Variants in LMO7 observed in about 807,000 individuals in gnomAD.
LMO7 encodes LIM domain 7.
Under a neutral mutation model 206.5 loss-of-function variants are expected in LMO7, and 120 were observed. The observed-to-expected ratio is 0.58, with a 90% CI of 0.50 to 0.68. LMO7 has a LOEUF of 0.68. Ranked by LOEUF, LMO7 falls within the 30% of genes least tolerant of loss-of-function variation. The probability of loss-of-function intolerance (pLI) is 0.00; values close to 1 mark genes in which losing one functional copy is unlikely to be tolerated. For missense variants in LMO7, 1,959 were observed against 1,957.9 expected (o/e 1.00, Z -0.01); for synonymous variants, 706 against 681.5 (o/e 1.04, Z -0.56).
chr13:75,857,861 T>C, intron 30 of LMO7, 60 bp from the exon 31 acceptor site: 1 of 1,208,312 alleles, frequency 8.3e-7, no homozygotes, highest in Non-Finnish European at 1.2e-6. Flanking sequence ...GTATCCCAGA[T>C]GGCAATATTC....
chr13:75,821,592 C>T lies in LMO7; in HGVS notation c.2623C>T (p.Leu875Phe), dbSNP rs369032047. The T allele has an allele frequency of 4.3e-6, 7 of 1,611,612 alleles. No individual in the cohort carries two copies. Among genetic ancestry groups the T allele is most frequent in the Non-Finnish European group, 4.2e-6 (5 of 1,178,358 alleles). Residue 875 changes from leucine to phenylalanine, a missense_variant, in exon 14 of 31, where the codon CTC (leucine) becomes TTC (phenylalanine). Leu to Phe is a conservative substitution (Grantham distance 22, BLOSUM62 0). Transcript: ENST00000377534. ...CTCTCAGACAAGGGGAATCTCATCA[C>T]TCCCCAGATCTTACACGGTAAAAAA... is the stretch of plus-strand genomic sequence containing the variant. ...FGSQTRGISS[L>F]PRSYTMDDAW...
intron 3 of LMO7, among the ~76,000 whole-genome samples, chr13:75,737,652 C>T (rs1305633974): frequency 9.8e-5 from 14 of 143,244 alleles, no homozygotes; most frequent in South Asian, 2.2e-4. Flanking sequence ...ACTCGGGAGG[C>T]TGAGGCAGGA....
chr13:75,649,661 A>G (rs2037375647), intron 1 of LMO7, among the ~76,000 whole-genome samples: 1 of 152,216 alleles, frequency 6.6e-6, no homozygotes, highest in South Asian at 2.1e-4. Flanking sequence ...CAAGAAATCA[A>G]CATTCTCTCA....
At chr13:75,843,496 A>T (rs998133963) in intron 25 of LMO7, among the ~76,000 whole-genome samples, 7 of 152,186 alleles carry the variant, frequency 4.6e-5, no homozygotes, top group Non-Finnish European at 8.8e-5. Context: ...GTAATCCAAC[A>T]TAATCTTCAT....
At position 75,755,697 on chromosome 13, in the gene LMO7, T is replaced by C. The variant is rs1014473901; in HGVS notation, c.211-5235T>C. 2.0e-5 allele frequency among the ~76,000 whole-genome samples: 3 copies of C among 152,338 alleles called. No individual in the cohort carries two copies. In the East Asian group the frequency reaches 5.8e-4, roughly 29 times the overall value. On this transcript the variant is annotated intron_variant, in intron 3 of 30. Transcript: ENST00000377534. ...ACGTTTATTTTTCTATTCTAAATTT[T>C]TGACTGGTCTGTATTCTTTATTATT...
chr13:75,793,431 A>G (rs1362381395), intron 4 of LMO7, among the ~76,000 whole-genome samples: 3 of 152,034 alleles, frequency 2.0e-5, no homozygotes, highest in African/African-American at 4.8e-5. Context: ...GCCCACCACC[A>G]CGCCTGGCTA....
At chr13:75,620,931 A>T (rs1455056210) in exon 1 of LMO7, 2 of 151,434 alleles carry the variant, frequency 1.3e-5, no homozygotes, top group Non-Finnish European at 3.0e-5. Flanking sequence ...AAAAAAAAAT[A>T]CATTATTAGG....
At chr13:75,632,862 G>GTTTTTTTTTGTTTTTTTTTTTT (rs2035134633), upstream of LMO7, among the ~76,000 whole-genome samples, 1 of 102,138 alleles carries the variant, frequency 9.8e-6, no homozygotes, top group Non-Finnish European at 1.9e-5. Flanking sequence ...TTACTTAAAA[G>GTTTTTTTTTGTTTTTTTTTTTT]TTTTTTTTTT....
chr13:75,790,301 G>A (rs536255306), intron 4 of LMO7, among the ~76,000 whole-genome samples: 1 of 152,124 alleles, frequency 6.6e-6, no homozygotes, highest in Non-Finnish European at 1.5e-5. Context: ...TACTTGTCCT[G>A]CTTTGATTAA....
chr13:75,630,006 C>A lies in LMO7; in HGVS notation c.225+6686C>A, dbSNP rs8002355. 2.1e-4 allele frequency among the ~76,000 whole-genome samples: 32 copies of A among 151,998 alleles called. 1 individual carries two copies. The highest frequency in any genetic ancestry group is 1.0e-4 in the Non-Finnish European group (7 of 68,018). ...ATTTGTTCTAGGACCCCTGTTCATA[C>A]GAAAACCTACAGATTCTCAAGTCCC... On this transcript the variant is annotated intron_variant, in intron 2 of 29. Coordinates refer to the LMO7 transcript ENST00000341547.
chr13:75,796,361 T>C (rs771599735), intron 5 of LMO7, among the ~76,000 whole-genome samples: 1 of 152,218 alleles, frequency 6.6e-6, no homozygotes, highest in African/African-American at 2.4e-5. Flanking sequence ...CTCTTATTTT[T>C]TTCCCTCTTC....
intron 1 of LMO7, among the ~76,000 whole-genome samples, chr13:75,711,884 G>T (rs1319225952): frequency 6.6e-6 from 1 of 152,242 alleles, no homozygotes; most frequent in Non-Finnish European, 1.5e-5. Flanking sequence ...CTCAGCCTTT[G>T]TTTAAGTAAA....
chr13:75,766,642 A>G (rs962652698), intron 4 of LMO7, among the ~76,000 whole-genome samples: 1 of 151,886 alleles, frequency 6.6e-6, no homozygotes. Context: ...AGAGATGTGC[A>G]GTCATTTCAT....
At chr13:75,653,656 AAG>A (rs1169263481) in intron 1 of LMO7, among the ~76,000 whole-genome samples, 1 of 152,212 alleles carries the variant, frequency 6.6e-6, no homozygotes, top group Non-Finnish European at 1.5e-5. Context: ...AATGCTGAGT[AAG>A]AGATGGAAAG....
rs750986193 is a variant in LMO7 at position 75,857,944 on chromosome 13, T to C, written c.*1T>C. 9.3e-6 allele frequency: 15 copies of C among 1,608,748 alleles called. No individual in the cohort carries two copies. In the East Asian group the frequency reaches 3.4e-4, roughly 36 times the overall value. On this transcript the variant is annotated 3_prime_UTR_variant, in exon 31 of 31. Transcript: ENST00000377534. Reference sequence around the variant, plus strand: ...AGCTGGACGGCCAACCGCCATGTGATGTAAGCCTCCATACGAAAGCACTGT... The same window carrying C: ...AGCTGGACGGCCAACCGCCATGTGACGTAAGCCTCCATACGAAAGCACTGT...
chr13:75,695,707 G>T (rs1041963258), intron 1 of LMO7, among the ~76,000 whole-genome samples: 5 of 152,182 alleles, frequency 3.3e-5, no homozygotes, highest in Non-Finnish European at 4.4e-5. Context: ...CAACTAACCA[G>T]ATTGTGTACT....
chr13:75,855,389 T>A, intron 29 of LMO7, 21 bp downstream of exon 29: 1 of 1,520,872 alleles, frequency 6.6e-7, no homozygotes, highest in Admixed American at 1.7e-5. Flanking sequence ...GACAAACAGC[T>A]TGCAGGCCTG....
At chr13:75,840,880 T>C (rs1304305632) in intron 22 of LMO7, among the ~76,000 whole-genome samples, 1 of 152,060 alleles carries the variant, frequency 6.6e-6, no homozygotes, top group African/African-American at 2.4e-5. Flanking sequence ...AAAGGGTGGA[T>C]GGGGGTTTAA....
intron 4 of LMO7, among the ~76,000 whole-genome samples, chr13:75,770,190 T>TC (rs397785707): frequency 0.11 from 16,747 of 150,946 alleles, 1,254 homozygotes; most frequent in Non-Finnish European, 0.15. Context: ...TTTTTTTTTT[T>TC]CCCCACCGAA....
Sources: allele counts gnomAD v4.1 joint callset (sites outside exome capture counted in the v4.1 genomes callset), GRCh38; gene constraint gnomAD v4.1.1; transcripts MANE v1.5; gene names NCBI Gene and HGNC (gene_info 2026-07-23, HGNC 2026-07-21).